The following ADGRL3 variants were observed in gnomAD, a reference collection of about 807,000 sequenced individuals.
ADGRL3 encodes the protein adhesion G protein-coupled receptor L3.
A neutral mutation model predicts 153.5 loss-of-function variants in ADGRL3; 62 were observed. That is an observed-to-expected ratio of 0.40 (90% CI 0.33 to 0.50). The LOEUF (loss-of-function observed/expected upper bound fraction) is 0.50, where lower values mean the gene tolerates loss of function less well. Ranked by LOEUF, ADGRL3 falls within the 20% of genes least tolerant of loss-of-function variation. The pLI, the probability that ADGRL3 is intolerant of heterozygous loss-of-function variation, is 0.47. For synonymous variants in ADGRL3, 710 were observed against 672.5 expected (o/e 1.06, Z -0.86); for missense variants, 1,641 against 1,859.4 (o/e 0.88, Z 2.16).
At chr4:61,632,253 T>C (rs1347652429) in intron 5 of ADGRL3, among the ~76,000 whole-genome samples, 1 of 152,216 alleles carries the variant, frequency 6.6e-6, no homozygotes, top group Non-Finnish European at 1.5e-5. Flanking sequence ...TGGAAATTTT[T>C]AAGGTTGCAA....
chr4:61,840,129 G>T (rs1449084830), intron 9 of ADGRL3, among the ~76,000 whole-genome samples: 3 of 152,078 alleles, frequency 2.0e-5, no homozygotes, highest in African/African-American at 7.2e-5. Context: ...TCCCAGGCTG[G>T]AACACAGTGG....
At chr4:61,511,488 A>G (rs2098463419) in intron 3 of ADGRL3, among the ~76,000 whole-genome samples, 1 of 152,238 alleles carries the variant, frequency 6.6e-6, no homozygotes, top group South Asian at 2.1e-4. Flanking sequence ...TTCTAGATAT[A>G]GAATCATGTT....
intron 5 of ADGRL3, among the ~76,000 whole-genome samples, chr4:61,651,584 T>G (rs187698611): frequency 3.3e-4 from 50 of 151,950 alleles, no homozygotes; most frequent in Middle Eastern, 6.8e-3. Flanking sequence ...TAAATTTTTT[T>G]TGTGTGTTTG....
chr4:61,463,654 C>A (rs2097848926), intron 2 of ADGRL3, among the ~76,000 whole-genome samples: 1 of 152,076 alleles, frequency 6.6e-6, no homozygotes, highest in African/African-American at 2.4e-5. Context: ...AAGGGCACAA[C>A]ACTCTAAAAT....
chr4:61,390,845 C>T (rs1212840152), intron 2 of ADGRL3, among the ~76,000 whole-genome samples: 8 of 152,254 alleles, frequency 5.3e-5, no homozygotes, highest in African/African-American at 1.9e-4. Flanking sequence ...CTGCCCCTAA[C>T]TCCCCGGCAG....
At chr4:61,218,804 A>G (rs929860059) in intron 1 of ADGRL3, among the ~76,000 whole-genome samples, 1 of 152,234 alleles carries the variant, frequency 6.6e-6, no homozygotes, top group African/African-American at 2.4e-5. Flanking sequence ...AACCTGGAAC[A>G]TAAGGATTGA....
intron 1 of ADGRL3, among the ~76,000 whole-genome samples, chr4:61,234,133 G>T (rs1305582958): frequency 5.3e-5 from 8 of 152,106 alleles, no homozygotes; most frequent in African/African-American, 1.9e-4. Context: ...CCAGGCAGAG[G>T]TTGTGTGTTA....
chr4:61,958,486 A>G (rs1345495123), intron 17 of ADGRL3, among the ~76,000 whole-genome samples: 1 of 152,038 alleles, frequency 6.6e-6, no homozygotes. Flanking sequence ...ACACTGCTAT[A>G]AAGAATAACT....
intron 6 of ADGRL3, among the ~76,000 whole-genome samples, chr4:61,711,515 A>C (rs930020476): frequency 1.1e-5 from 1 of 91,772 alleles, no homozygotes; most frequent in Non-Finnish European, 2.2e-5. Context: ...CACACACACA[A>C]TAGCATGATT....
intron 8 of ADGRL3, among the ~76,000 whole-genome samples, chr4:61,748,009 G>A (rs201482861): frequency 0.085 from 12,865 of 151,534 alleles, 1,109 homozygotes; most frequent in African/African-American, 0.23. Flanking sequence ...CTTCAGCAAA[G>A]TCTCAGGATA....
intron 2 of ADGRL3, among the ~76,000 whole-genome samples, chr4:61,418,412 TCG>T (rs2097168119): frequency 2.1e-5 from 3 of 143,022 alleles, no homozygotes; most frequent in East Asian, 3.1e-4. Flanking sequence ...GCCGTGAACA[TCG>T]GACATGGTTT....
intron 2 of ADGRL3, among the ~76,000 whole-genome samples, chr4:61,469,799 G>A (rs1374430317): frequency 6.6e-6 from 1 of 151,952 alleles, no homozygotes; most frequent in Non-Finnish European, 1.5e-5. Flanking sequence ...TTAGGGCATA[G>A]GATGATTTAC....
chr4:61,627,701 C>G (rs925877083), intron 5 of ADGRL3, among the ~76,000 whole-genome samples: 2 of 152,070 alleles, frequency 1.3e-5, no homozygotes, highest in African/African-American at 4.8e-5. Context: ...TTACAAAAGA[C>G]TGCATTTTAC....
chr4:61,840,437 A>G (rs1033561873), intron 9 of ADGRL3, among the ~76,000 whole-genome samples: 3 of 152,250 alleles, frequency 2.0e-5, no homozygotes, highest in Admixed American at 6.5e-5. Flanking sequence ...CTATTGACAT[A>G]TAACGAAAGG....
chr4:61,753,608 G>T (rs2096783952), intron 8 of ADGRL3, among the ~76,000 whole-genome samples: 1 of 152,176 alleles, frequency 6.6e-6, no homozygotes. Context: ...ATTGGAGGAT[G>T]CTAGAATTGA....
In ADGRL3 at chr4:61,476,989, T is replaced by C. The variant is rs1260251246; in HGVS notation, c.-173-20132T>C. Among the ~76,000 whole-genome samples the C allele has an allele frequency of 4.6e-5, 7 of 151,914 alleles. 1 individual carries two copies. Among genetic ancestry groups the C allele is most frequent in the Admixed American group, 4.6e-4 (7 of 15,260 alleles). On this transcript the variant is annotated intron_variant, in intron 2 of 26. Transcript: ENST00000683033. ...GTAGTTAGTTATTTTGTTCAGTTCATGTGAAAACACTGAATAAATATACAG... is the reference window on the plus strand; with the variant it reads ...GTAGTTAGTTATTTTGTTCAGTTCACGTGAAAACACTGAATAAATATACAG...
chr4:61,384,696 T>A (rs1214871672), intron 2 of ADGRL3, among the ~76,000 whole-genome samples: 1 of 152,040 alleles, frequency 6.6e-6, no homozygotes, highest in Non-Finnish European at 1.5e-5. Flanking sequence ...AATCTTTCTC[T>A]TTTCTACTTT....
At chr4:61,380,144 T>C (rs28705222) in intron 1 of ADGRL3, among the ~76,000 whole-genome samples, 53,984 of 151,780 alleles carry the variant, frequency 0.36, 10,226 homozygotes, top group Non-Finnish European at 0.43. Context: ...TTTATAAATA[T>C]GTAAAAATGT....
chr4:61,794,893 GA>G (rs755614956), intron 8 of ADGRL3, among the ~76,000 whole-genome samples: 1 of 151,154 alleles, frequency 6.6e-6, no homozygotes, highest in Non-Finnish European at 1.5e-5. Flanking sequence ...TTATTTTAAG[GA>G]AAGTTACTTA....
Sources: allele counts gnomAD v4.1 joint callset (sites outside exome capture counted in the v4.1 genomes callset), GRCh38; gene constraint gnomAD v4.1.1; transcripts MANE v1.5; gene names NCBI Gene and HGNC (gene_info 2026-07-23, HGNC 2026-07-21).